Variants in HTR1F observed in about 807,000 individuals in gnomAD.
HTR1F encodes 5-hydroxytryptamine (serotonin) receptor 1F, G protein-coupled.
A neutral mutation model predicts 24.0 loss-of-function variants in HTR1F; 17 were observed. That is an observed-to-expected ratio of 0.71 (90% CI 0.48 to 1.06). The LOEUF (loss-of-function observed/expected upper bound fraction) is 1.06, where lower values mean the gene tolerates loss of function less well. Among genes scored for constraint, HTR1F ranks in the 50% least tolerant of loss-of-function variants. The pLI is 0.00. For missense variants in HTR1F, 391 were observed against 427.8 expected (o/e 0.91, Z 0.76); for synonymous variants, 186 against 156.8 (o/e 1.19, Z -1.39).
chr3:87,892,734 T>C (rs1706111504), intron 2 of HTR1F, among the ~76,000 whole-genome samples: 1 of 152,192 alleles, frequency 6.6e-6, no homozygotes, highest in South Asian at 2.1e-4. Context: ...CACAATTAAT[T>C]ATATTATCGT....
intron 2 of HTR1F, among the ~76,000 whole-genome samples, chr3:87,931,134 G>A (rs1461765065): frequency 1.3e-5 from 2 of 150,832 alleles, no homozygotes; most frequent in Non-Finnish European, 1.5e-5. Context: ...TGCCATGCTG[G>A]TGTGCTGCAC....
At chr3:87,883,760 T>C (rs1315325952) in intron 2 of HTR1F, among the ~76,000 whole-genome samples, 1 of 151,826 alleles carries the variant, frequency 6.6e-6, no homozygotes, top group Non-Finnish European at 1.5e-5. Flanking sequence ...GAATATCAAA[T>C]CAATGAAATA....
At chr3:87,934,204 A>C (rs1265904640) in intron 2 of HTR1F, among the ~76,000 whole-genome samples, 1 of 152,262 alleles carries the variant, frequency 6.6e-6, no homozygotes, top group Non-Finnish European at 1.5e-5. Flanking sequence ...TAACAGTAAC[A>C]GAGAAAGAAT....
In HTR1F at chr3:87,991,413, A is replaced by G. The variant is rs1479003042; in HGVS notation, c.664A>G (p.Lys222Glu). The change falls in exon 3 of 3, where the codon AAG becomes GAG. Residue 222 changes from lysine (K) to glutamate (E), a missense_variant. Transcript: ENST00000319595. Reference sequence around the variant, plus strand: ...CAAGAGACAAGCAAGTAGGATTGCAAAGGAGGAGGTGAATGGCCAAGTCCT... The same window carrying G: ...CAAGAGACAAGCAAGTAGGATTGCAGAGGAGGAGGTGAATGGCCAAGTCCT... ...YHKRQASRIA[K>E]EEVNGQVLLE... 6.2e-7 allele frequency: 1 copy of G among 1,613,958 alleles called. No homozygotes were observed. The highest frequency in any genetic ancestry group is 1.3e-5 in the African/African-American group (1 of 74,932).
intron 2 of HTR1F, among the ~76,000 whole-genome samples, chr3:87,985,998 T>C (rs1486597879): frequency 6.6e-6 from 1 of 152,226 alleles, no homozygotes; most frequent in African/African-American, 2.4e-5. Context: ...AAGAAGGCTG[T>C]ATATAACACA....
chr3:87,891,580 A>G (rs17025121), intron 2 of HTR1F, among the ~76,000 whole-genome samples: 15,131 of 152,220 alleles, frequency 0.099, 868 homozygotes, highest in East Asian at 0.22. Context: ...CCTGAAAAGA[A>G]TTGAGATTCA....
chr3:87,967,841 C>A (rs781482580), intron 2 of HTR1F, among the ~76,000 whole-genome samples: 1 of 152,108 alleles, frequency 6.6e-6, no homozygotes, highest in Non-Finnish European at 1.5e-5. Flanking sequence ...CGAGAACAGA[C>A]TAATACAGCA....
chr3:87,882,331 A>G (rs1298837403), intron 2 of HTR1F, among the ~76,000 whole-genome samples: 2 of 152,166 alleles, frequency 1.3e-5, no homozygotes, highest in African/African-American at 2.4e-5. Context: ...AAGAAATACC[A>G]TTTGACCCAG....
rs776206926 is a variant in HTR1F, at chr3:87,991,549, G to A, written c.800G>A (p.Ser267Asn). 1 of 1,614,076 alleles carries A rather than the reference G, an allele frequency of 6.2e-7. No homozygotes were observed. The highest frequency in any genetic ancestry group is 1.1e-5 in the South Asian group (1 of 91,088). ...GATAAAATTCATAGCACAGTGAGAA[G>A]TCTCAGGTCTGAATTCAAGCATGAG... is the stretch of plus-strand genomic sequence containing the variant. ...DFDKIHSTVR[S>N]LRSEFKHEKS... The change falls in exon 3 of 3, where the codon AGT becomes AAT. Residue 267 changes from serine (S) to asparagine (N), a missense_variant. Coordinates refer to ENST00000319595, the MANE Select transcript of HTR1F (RefSeq NM_001322209.2).
chr3:87,946,963 A>C (rs1165374375), intron 2 of HTR1F, among the ~76,000 whole-genome samples: 1 of 152,190 alleles, frequency 6.6e-6, no homozygotes, highest in Non-Finnish European at 1.5e-5. Flanking sequence ...ATGAGGAAGG[A>C]GCAATAGGTC....
In HTR1F at chr3:87,840,085, T is replaced by C. The variant is rs114582180; in HGVS notation, c.-43+17961T>C. Among the ~76,000 whole-genome samples the C allele has an allele frequency of 3.8e-3, 572 of 152,266 alleles. 2 individuals are homozygous for C. The highest frequency in any genetic ancestry group is 0.012 in the African/African-American group (507 of 41,556). Reference sequence around the variant, plus strand: ...GCACTGTGATGAATAAATGGGTGCATATGGCTTTTTGGTAGAATGATATAT... The same window carrying C: ...GCACTGTGATGAATAAATGGGTGCACATGGCTTTTTGGTAGAATGATATAT... On this transcript the variant is annotated intron_variant, in intron 2 of 2. Coordinates refer to ENST00000319595, the MANE Select transcript of HTR1F (RefSeq NM_001322209.2).
At chr3:87,802,469 A>T (rs1704010734) in intron 1 of HTR1F, among the ~76,000 whole-genome samples, 1 of 151,540 alleles carries the variant, frequency 6.6e-6, no homozygotes, top group South Asian at 2.1e-4. Context: ...TCAACCTCCC[A>T]AGCAGCTAGA....
At chr3:87,945,666 G>T (rs1704681105) in intron 2 of HTR1F, among the ~76,000 whole-genome samples, 1 of 152,142 alleles carries the variant, frequency 6.6e-6, no homozygotes, top group South Asian at 2.1e-4. Context: ...AGAAGGGCTG[G>T]GGGTTGTTGG....
chr3:87,839,580 T>TA (rs925547694), intron 2 of HTR1F, among the ~76,000 whole-genome samples: 6 of 152,242 alleles, frequency 3.9e-5, no homozygotes, highest in East Asian at 1.9e-4. Flanking sequence ...TATTTTCCTT[T>TA]AAAAAAAGTC....
chr3:87,920,506 T>C (rs1231480597), intron 2 of HTR1F, among the ~76,000 whole-genome samples: 1 of 151,990 alleles, frequency 6.6e-6, no homozygotes, highest in East Asian at 1.9e-4. Context: ...ATGGCACCTA[T>C]ATTTTTTAAA....
intron 2 of HTR1F, among the ~76,000 whole-genome samples, chr3:87,836,224 T>C (rs1431516860): frequency 6.6e-6 from 1 of 152,222 alleles, no homozygotes; most frequent in Non-Finnish European, 1.5e-5. Flanking sequence ...TCTATTCTGT[T>C]ACTTTAGAGA....
At position 87,815,856 on chromosome 3, in the gene HTR1F, C is replaced by T. The variant is rs188685749; in HGVS notation, c.-159-6152C>T. 9.5e-4 allele frequency among the ~76,000 whole-genome samples: 145 copies of T among 152,204 alleles called. 2 individuals are homozygous for T. The highest frequency in any genetic ancestry group is 3.4e-3 in the African/African-American group (142 of 41,562). On this transcript the variant is annotated intron_variant, in intron 1 of 2. Coordinates refer to ENST00000319595, the MANE Select transcript of HTR1F (RefSeq NM_001322209.2). ...GTGACACCCAGCTCCCAGCATTTCA[C>T]TCATCTCCCTCTTTGCAGCATATCA...
intron 2 of HTR1F, among the ~76,000 whole-genome samples, chr3:87,944,247 C>G (rs1704642113): frequency 6.6e-6 from 1 of 152,130 alleles, no homozygotes. Flanking sequence ...AACCCAGCTC[C>G]CCATCAAGAT....
At chr3:87,989,096 G>T (rs1294912264) in intron 2 of HTR1F, among the ~76,000 whole-genome samples, 1 of 152,000 alleles carries the variant, frequency 6.6e-6, no homozygotes, top group Non-Finnish European at 1.5e-5. Flanking sequence ...TAAAATATTA[G>T]TAACTACTAA....
Sources: allele counts gnomAD v4.1 joint callset (sites outside exome capture counted in the v4.1 genomes callset), GRCh38; gene constraint gnomAD v4.1.1; transcripts MANE v1.5; gene names NCBI Gene and HGNC (gene_info 2026-07-23, HGNC 2026-07-21).